EPB41: variants seen among roughly 807,000 people sequenced by gnomAD.
The protein encoded by EPB41 is erythrocyte membrane protein band 4.1, also known as protein 4.1.
Under a neutral mutation model 108.0 loss-of-function variants are expected in EPB41, and 65 were observed. That is an observed-to-expected ratio of 0.60 (90% CI 0.49 to 0.74). The LOEUF (loss-of-function observed/expected upper bound fraction) is 0.74, where lower values mean the gene tolerates loss of function less well. Among genes scored for constraint, EPB41 ranks in the 30% least tolerant of loss-of-function variants. The pLI, the probability that EPB41 is intolerant of heterozygous loss-of-function variation, is 0.00. For missense variants in EPB41, 875 were observed against 1,037.0 expected (o/e 0.84, Z 2.15); for synonymous variants, 336 against 358.9 (o/e 0.94, Z 0.72).
chr1:28,904,656 G>GGGAGGC (rs1223236505), intron 1 of EPB41, among the ~76,000 whole-genome samples: 1 of 152,112 alleles, frequency 6.6e-6, no homozygotes, highest in Non-Finnish European at 1.5e-5. Context: ...CCAGTACTTT[G>GGGAGGC]GGAGGCGGAG....
chr1:28,997,413 A>T, intron 4 of EPB41, 94 bp downstream of exon 4: 1 of 788,744 alleles, frequency 1.3e-6, no homozygotes, highest in East Asian at 2.6e-5. Flanking sequence ...TCTCTAAGCC[A>T]GTGTTCTTAG....
chr1:29,042,468 T>TTTTTG (rs531344214), intron 11 of EPB41, among the ~76,000 whole-genome samples: 28 of 152,060 alleles, frequency 1.8e-4, no homozygotes, highest in African/African-American at 5.8e-4. Flanking sequence ...TTTTTTGTTT[T>TTTTTG]TTTTGTTTTG....
intron 1 of EPB41, among the ~76,000 whole-genome samples, chr1:28,904,286 A>T (rs1424818847): frequency 6.6e-6 from 1 of 151,956 alleles, no homozygotes; most frequent in East Asian, 1.9e-4. Context: ...GTGCCCAATA[A>T]ATGTGTGATG....
intron 19 of EPB41, among the ~76,000 whole-genome samples, chr1:29,114,819 T>C (rs917821124): frequency 2.0e-5 from 3 of 152,132 alleles, no homozygotes; most frequent in Admixed American, 6.5e-5. Flanking sequence ...AATAACAATA[T>C]AGTTATTAAT....
chr1:28,965,905 G>A (rs375057482), intron 1 of EPB41, among the ~76,000 whole-genome samples: 22 of 152,200 alleles, frequency 1.4e-4, no homozygotes, highest in African/African-American at 4.6e-4. Flanking sequence ...TTTGTAAGCC[G>A]GGCGTGGTGG....
intron 1 of EPB41, among the ~76,000 whole-genome samples, chr1:28,941,894 C>CAAAA (rs58524634): frequency 7.7e-5 from 5 of 64,810 alleles, no homozygotes; most frequent in African/African-American, 2.1e-4. Context: ...AGCTCTGTCT[C>CAAAA]AAAAAAAAAA....
intron 9 of EPB41, among the ~76,000 whole-genome samples, chr1:29,033,592 TG>T (rs758108761): frequency 9.2e-5 from 14 of 152,222 alleles, no homozygotes; most frequent in Non-Finnish European, 1.9e-4. Flanking sequence ...AAATTACTCA[TG>T]TTTGGCATCA....
chr1:29,001,768 T>G (rs1445033593), intron 4 of EPB41, among the ~76,000 whole-genome samples: 3 of 152,180 alleles, frequency 2.0e-5, no homozygotes, highest in Non-Finnish European at 4.4e-5. Flanking sequence ...CCCTCCTCCT[T>G]TACACAATCA....
intron 1 of EPB41, among the ~76,000 whole-genome samples, chr1:28,941,894 C>CA (rs58524634): frequency 0.38 from 24,701 of 64,460 alleles, 4,696 homozygotes; most frequent in Non-Finnish European, 0.49. Context: ...AGCTCTGTCT[C>CA]AAAAAAAAAA....
At chr1:28,955,636 G>A (rs765528936) in intron 1 of EPB41, among the ~76,000 whole-genome samples, 1 of 151,984 alleles carries the variant, frequency 6.6e-6, no homozygotes, top group Non-Finnish European at 1.5e-5. Context: ...AGCCCACCAC[G>A]CCCAGCCCTG....
At chr1:28,924,509 G>A (rs1281612201) in intron 1 of EPB41, among the ~76,000 whole-genome samples, 1 of 151,296 alleles carries the variant, frequency 6.6e-6, no homozygotes, top group Non-Finnish European at 1.5e-5. Context: ...AGCTCTGGGT[G>A]ACAGAGCGAG....
chr1:29,102,158 C>G (rs1231304273), intron 17 of EPB41, among the ~76,000 whole-genome samples: 1 of 152,166 alleles, frequency 6.6e-6, no homozygotes, highest in Non-Finnish European at 1.5e-5. Context: ...GGCAGAATCC[C>G]TTTAAGTTGT....
chr1:29,007,275 T>TCTA (rs1163812762), intron 4 of EPB41, among the ~76,000 whole-genome samples: 2 of 152,182 alleles, frequency 1.3e-5, no homozygotes, highest in Admixed American at 6.5e-5. Flanking sequence ...CTTTATGTAC[T>TCTA]CTACTACTGA....
intron 1 of EPB41, among the ~76,000 whole-genome samples, chr1:28,892,587 C>T (rs112887202): frequency 1.3e-5 from 2 of 151,788 alleles, no homozygotes; most frequent in African/African-American, 4.8e-5. Flanking sequence ...CGGTGGCATG[C>T]GCCTATAATC....
chr1:28,922,622 C>G (rs1471460400), intron 1 of EPB41, among the ~76,000 whole-genome samples: 1 of 115,734 alleles, frequency 8.6e-6, no homozygotes, highest in Non-Finnish European at 1.7e-5. Context: ...TTCTTAGAGA[C>G]AGGATTTTTT....
chr1:29,048,502 C>T (rs932105838), intron 11 of EPB41, among the ~76,000 whole-genome samples: 3 of 152,132 alleles, frequency 2.0e-5, no homozygotes, highest in South Asian at 2.1e-4. Flanking sequence ...TGAGCCACCG[C>T]GCCCGGCCTA....
In EPB41 at chr1:29,115,089, G is replaced by A. The variant is rs902133418; in HGVS notation, c.2497-610G>A. ...CCTCCAGGTATAATGATAGATAATA[G>A]ATAGGTATAATAGATAATATAGGCC... On this transcript the variant is annotated intron_variant, in intron 19 of 20. Transcript: ENST00000343067. The surrounding 1 kb of genome is among the most constrained non-coding windows in gnomAD (Gnocchi z 4.4). Among the ~76,000 whole-genome samples, 1 of 152,032 alleles carries A rather than the reference G, an allele frequency of 6.6e-6. No individual in the cohort carries two copies. Among genetic ancestry groups the A allele is most frequent in the Non-Finnish European group, 1.5e-5 (1 of 68,000 alleles).
intron 1 of EPB41, among the ~76,000 whole-genome samples, chr1:28,984,788 G>C (rs1412989970): frequency 6.6e-6 from 1 of 151,844 alleles, no homozygotes; most frequent in Non-Finnish European, 1.5e-5. Flanking sequence ...TTCCCAAGTA[G>C]CTGGAACTAT....
chr1:29,063,944 T>G (rs1426082910), intron 15 of EPB41, among the ~76,000 whole-genome samples: 1 of 152,208 alleles, frequency 6.6e-6, no homozygotes, highest in Non-Finnish European at 1.5e-5. Context: ...AACCTGAATA[T>G]TATTTCTAAC....
Sources: gnomAD v4.1 joint callset for allele counts (sites outside exome capture counted in the v4.1 genomes callset) on GRCh38, gnomAD v4.1.1 for gene constraint, Gnocchi (gnomAD v3.1) non-coding constraint, MANE v1.5 for transcripts, NCBI Gene and HGNC (gene_info 2026-07-23, HGNC 2026-07-21) for gene names.